The following LSAMP variants were observed in gnomAD, a reference collection of about 807,000 sequenced individuals.
LSAMP encodes the protein limbic system-associated membrane protein.
A neutral mutation model predicts 38.6 loss-of-function variants in LSAMP; 7 were observed. The ratio of observed to expected loss-of-function variants is 0.18; its 90% CI spans 0.10 to 0.34. The LOEUF is 0.34. LSAMP is among the 10% of genes least tolerant of loss of function. The probability of loss-of-function intolerance (pLI) is 1.00; values close to 1 mark genes in which losing one functional copy is unlikely to be tolerated. For synonymous variants in LSAMP, 154 were observed against 166.8 expected, an observed-to-expected ratio of 0.92 and a Z score of 0.59; for missense variants, 313 against 420.0, an observed-to-expected ratio of 0.75 and a Z score of 2.23.
At chr3:116,126,394 A>T (rs1709008965) in intron 1 of LSAMP, among the ~76,000 whole-genome samples, 1 of 152,220 alleles carries the variant, frequency 6.6e-6, no homozygotes, top group Admixed American at 6.5e-5. Flanking sequence ...TCCCTTGCCA[A>T]ATTTCTCTTG....
In LSAMP at chr3:115,908,600, C is replaced by G. The variant is rs150306079; in HGVS notation, c.515-55983G>C. 8.5e-5 allele frequency among the ~76,000 whole-genome samples: 13 copies of G among 152,186 alleles called. No individual in the cohort carries two copies. The East Asian group carries it at 2.5e-3, about 29-fold the overall frequency. On this transcript the variant is annotated intron_variant, in intron 3 of 6. Transcript: ENST00000490035. ...CTGTGATGTTACAGATATGCAGCCT[C>G]TGATATTTATATAGAACTTATTCCT...
intron 3 of LSAMP, among the ~76,000 whole-genome samples, chr3:115,868,107 C>T (rs988812912): frequency 6.6e-6 from 1 of 152,146 alleles, no homozygotes; most frequent in Non-Finnish European, 1.5e-5. Flanking sequence ...ATCAAGGCAT[C>T]TTCTGCACAT....
intron 2 of LSAMP, among the ~76,000 whole-genome samples, chr3:116,032,462 T>C (rs1011242421): frequency 7.9e-5 from 12 of 152,128 alleles, no homozygotes; most frequent in African/African-American, 2.2e-4. Flanking sequence ...CATGACCAGT[T>C]CTTTTGATTA....
intron 1 of LSAMP, among the ~76,000 whole-genome samples, chr3:116,130,064 A>T (rs1285074079): frequency 6.6e-6 from 1 of 152,232 alleles, no homozygotes; most frequent in Non-Finnish European, 1.5e-5. Flanking sequence ...GAACACTCTC[A>T]GTAGTTTCAA....
chr3:116,011,021 T>TTTTTTTTTTTTTTTTA, intron 3 of LSAMP, among the ~76,000 whole-genome samples: 5 of 152,120 alleles, frequency 3.3e-5, no homozygotes, highest in South Asian at 2.1e-4. Context: ...TGCTTTTTTT[T>TTTTTTTTTTTTTTTTA]GAGACAGAGT....
intron 1 of LSAMP, among the ~76,000 whole-genome samples, chr3:116,178,761 A>T (rs1036478232): frequency 6.6e-6 from 1 of 152,174 alleles, no homozygotes; most frequent in African/African-American, 2.4e-5. Flanking sequence ...CAAAACAGAT[A>T]ATAAAAATAA....
chr3:115,878,007 G>A (rs1423385720), intron 3 of LSAMP, among the ~76,000 whole-genome samples: 1 of 152,118 alleles, frequency 6.6e-6, no homozygotes, highest in Non-Finnish European at 1.5e-5. Flanking sequence ...GAAAGAAGGT[G>A]TGCCATCAGG....
At chr3:116,442,490 G>A (rs1250270993) in intron 1 of LSAMP, among the ~76,000 whole-genome samples, 3 of 152,016 alleles carry the variant, frequency 2.0e-5, no homozygotes, top group African/African-American at 7.2e-5. Context: ...GGCCTTATAA[G>A]CAGAAAGCAA....
intron 1 of LSAMP, among the ~76,000 whole-genome samples, chr3:116,275,402 T>TA (rs1349244939): frequency 2.0e-5 from 3 of 152,098 alleles, no homozygotes; most frequent in Non-Finnish European, 4.4e-5. Context: ...AAATAATGTC[T>TA]AAAAAAATTA....
At chr3:115,890,172 A>C (rs1936559818) in intron 3 of LSAMP, among the ~76,000 whole-genome samples, 1 of 151,994 alleles carries the variant, frequency 6.6e-6, no homozygotes, top group African/African-American at 2.4e-5. Flanking sequence ...CCTAAATCTC[A>C]AAAGCATCCA....
In LSAMP at chr3:115,880,657, A is replaced by T. The variant is rs181254166; in HGVS notation, c.515-28040T>A. 2.0e-5 allele frequency among the ~76,000 whole-genome samples: 3 copies of T among 152,310 alleles called. No individual in the cohort carries two copies. The East Asian group carries it at 5.8e-4, about 29-fold the overall frequency. On this transcript the variant is annotated intron_variant, in intron 3 of 6. Transcript: ENST00000490035. Reference sequence around the variant, plus strand: ...AATGTAACCACTGAGTAAATAGAGAATATTTTTAATAAGTTTGAAAATCAG... The same window carrying T: ...AATGTAACCACTGAGTAAATAGAGATTATTTTTAATAAGTTTGAAAATCAG...
intron 1 of LSAMP, among the ~76,000 whole-genome samples, chr3:116,332,003 A>AT (rs2047859301): frequency 6.6e-6 from 1 of 151,544 alleles, no homozygotes. Flanking sequence ...ACAATGAGCT[A>AT]TTTTTTGCTT....
At chr3:115,924,627 A>T (rs1219492772) in intron 3 of LSAMP, among the ~76,000 whole-genome samples, 2 of 152,220 alleles carry the variant, frequency 1.3e-5, no homozygotes, top group Non-Finnish European at 2.9e-5. Flanking sequence ...CCTTTTACAT[A>T]AGATAGGCTG....
intron 1 of LSAMP, among the ~76,000 whole-genome samples, chr3:116,222,213 T>A (rs1394925081): frequency 6.6e-6 from 1 of 151,682 alleles, no homozygotes; most frequent in Admixed American, 6.6e-5. Flanking sequence ...GGAGGGGGAT[T>A]CCTAAGACTT....
At chr3:116,101,725 T>C (rs1004594275) in intron 1 of LSAMP, among the ~76,000 whole-genome samples, 1 of 152,120 alleles carries the variant, frequency 6.6e-6, no homozygotes, top group African/African-American at 2.4e-5. Flanking sequence ...ATAAATACAA[T>C]ATGCAGGGGA....
At chr3:116,152,060 A>T (rs1709625400) in intron 1 of LSAMP, among the ~76,000 whole-genome samples, 1 of 152,066 alleles carries the variant, frequency 6.6e-6, no homozygotes, top group Admixed American at 6.6e-5. Flanking sequence ...CCTGCAGTCT[A>T]AGCAAATTCT....
intron 2 of LSAMP, among the ~76,000 whole-genome samples, chr3:116,061,138 T>C (rs1277697364): frequency 1.3e-5 from 2 of 152,024 alleles, no homozygotes; most frequent in Admixed American, 6.6e-5. Flanking sequence ...ATTCTCACAA[T>C]ATTTTAATAT....
intron 1 of LSAMP, among the ~76,000 whole-genome samples, chr3:116,125,314 T>C (rs1380589278): frequency 6.6e-6 from 1 of 152,112 alleles, no homozygotes; most frequent in Non-Finnish European, 1.5e-5. Context: ...TAGCTTCCTC[T>C]TTCTCTACTT....
At chr3:116,413,542 C>G (rs1388121354) in intron 1 of LSAMP, among the ~76,000 whole-genome samples, 1 of 151,974 alleles carries the variant, frequency 6.6e-6, no homozygotes, top group African/African-American at 2.4e-5. Flanking sequence ...TTTGACTGTT[C>G]ATAGCCTAGA....
Sources: allele counts gnomAD v4.1 joint callset (sites outside exome capture counted in the v4.1 genomes callset), GRCh38; gene constraint gnomAD v4.1.1; transcripts MANE v1.5; gene names NCBI Gene and HGNC (gene_info 2026-07-23, HGNC 2026-07-21).